The following LRRC1 variants were observed in gnomAD, a reference collection of about 807,000 sequenced individuals.
The protein encoded by LRRC1 is leucine-rich repeat-containing protein 1.
A neutral mutation model predicts 69.9 loss-of-function variants in LRRC1; 28 were observed. That is an observed-to-expected ratio of 0.40 (90% CI 0.30 to 0.55). The LOEUF is 0.55. Ranked by LOEUF, LRRC1 falls within the 20% of genes least tolerant of loss-of-function variation. The pLI is 0.47. For missense variants in LRRC1, 498 were observed against 609.0 expected, an observed-to-expected ratio of 0.82 and a Z score of 1.92; for synonymous variants, 236 against 240.2, an observed-to-expected ratio of 0.98 and a Z score of 0.16.
In LRRC1 at chr6:53,903,029, G is replaced by T. The variant is rs190907104; in HGVS notation, c.906+282G>T. Among the ~76,000 whole-genome samples, 51 of 152,240 alleles carry T rather than the reference G, an allele frequency of 3.3e-4. 1 individual carries two copies. The highest frequency in any genetic ancestry group is 1.1e-3 in the African/African-American group (47 of 41,534). Reference sequence around the variant, plus strand: ...TGAGGTGTGGGGATAAGCTACTCTCGTTGGATGTGTTGATGCCCCAGCTGT... The same window carrying T: ...TGAGGTGTGGGGATAAGCTACTCTCTTTGGATGTGTTGATGCCCCAGCTGT... On this transcript the variant is annotated intron_variant, in intron 9 of 13. Coordinates refer to ENST00000370888, the MANE Select transcript of LRRC1 (RefSeq NM_018214.5).
At chr6:53,873,020 G>T (rs1168206636) in intron 2 of LRRC1, among the ~76,000 whole-genome samples, 2 of 152,008 alleles carry the variant, frequency 1.3e-5, no homozygotes, top group Non-Finnish European at 2.9e-5. Flanking sequence ...ACCTCCCAAA[G>T]TGCTGGGATT....
At chr6:53,881,537 T>C (rs1201968169) in intron 3 of LRRC1, among the ~76,000 whole-genome samples, 1 of 152,252 alleles carries the variant, frequency 6.6e-6, no homozygotes, top group Non-Finnish European at 1.5e-5. Context: ...CTCTGTTACC[T>C]GTTCCTCAGA....
At chr6:53,860,979 A>C (rs1292146395) in intron 2 of LRRC1, among the ~76,000 whole-genome samples, 1 of 151,814 alleles carries the variant, frequency 6.6e-6, no homozygotes, top group African/African-American at 2.4e-5. Flanking sequence ...GGCGCTAAAC[A>C]CTGAGAACAC....
At chr6:53,880,859 A>G (rs1767267698) in intron 3 of LRRC1, among the ~76,000 whole-genome samples, 1 of 152,212 alleles carries the variant, frequency 6.6e-6, no homozygotes, top group Admixed American at 6.5e-5. Context: ...TGTTTGTTGA[A>G]CTGGACTAAA....
intron 4 of LRRC1, among the ~76,000 whole-genome samples, chr6:53,889,121 T>G (rs925229247): frequency 2.6e-5 from 4 of 152,162 alleles, no homozygotes; most frequent in Non-Finnish European, 5.9e-5. Context: ...ACAGCATTAG[T>G]CATCAGGAAA....
chr6:53,920,786 T>G, intron 13 of LRRC1, 25 bp downstream of exon 13: 1 of 1,613,484 alleles, frequency 6.2e-7, no homozygotes, highest in East Asian at 2.2e-5. Flanking sequence ...ATTCTTTGCC[T>G]CTGTGGAAGT....
chr6:53,875,374 G>C (rs973455554), intron 2 of LRRC1, among the ~76,000 whole-genome samples: 3 of 152,128 alleles, frequency 2.0e-5, no homozygotes, highest in Admixed American at 2.0e-4. Flanking sequence ...AGCTTGTAAA[G>C]TAATGTAAGG....
intron 9 of LRRC1, 50 bp from the exon 10 acceptor site, chr6:53,904,329 C>A: frequency 9.2e-7 from 1 of 1,089,400 alleles, no homozygotes; most frequent in Non-Finnish European, 1.4e-6. Context: ...TTACTGTGAG[C>A]CATGTTAAAA....
At position 53,835,871 on chromosome 6, in the gene LRRC1, C is replaced by T. The variant is rs368622880; in HGVS notation, c.160-6239C>T. Reference sequence around the variant, plus strand: ...CTACCAATTTTTTCCCACCCTCTCCCTCTTTTTAACATGATTTTTGCCATT... The same window carrying T: ...CTACCAATTTTTTCCCACCCTCTCCTTCTTTTTAACATGATTTTTGCCATT... On this transcript the variant is annotated intron_variant, in intron 1 of 13. Coordinates refer to ENST00000370888, the MANE Select transcript of LRRC1 (RefSeq NM_018214.5). Among the ~76,000 whole-genome samples the T allele has an allele frequency of 5.8e-4, 89 of 152,302 alleles. No homozygotes were observed. The East Asian group carries it at 9.6e-3, about 17-fold the overall frequency.
intron 1 of LRRC1, among the ~76,000 whole-genome samples, chr6:53,822,626 A>G (rs1165192837): frequency 6.6e-6 from 1 of 152,152 alleles, no homozygotes; most frequent in African/African-American, 2.4e-5. Flanking sequence ...TGGTTGGTTC[A>G]CGTTTTGACT....
chr6:53,865,887 A>G (rs1485223670), intron 2 of LRRC1, among the ~76,000 whole-genome samples: 1 of 151,860 alleles, frequency 6.6e-6, no homozygotes, highest in Non-Finnish European at 1.5e-5. Context: ...ATGCCCAGCT[A>G]ATTTTTGTAT....
intron 2 of LRRC1, among the ~76,000 whole-genome samples, chr6:53,868,471 C>G (rs923819254): frequency 6.6e-6 from 1 of 152,170 alleles, no homozygotes; most frequent in Non-Finnish European, 1.5e-5. Flanking sequence ...AGTGATCTGC[C>G]TGCCTTGGCA....
intron 7 of LRRC1, 99 bp downstream of exon 7, chr6:53,897,458 T>A: frequency 1.2e-6 from 1 of 825,714 alleles, no homozygotes; most frequent in Non-Finnish European, 1.9e-6. Context: ...TAAAAGGATC[T>A]TGAAAACCAA....
At chr6:53,917,185 C>G (rs528255665) in intron 11 of LRRC1, among the ~76,000 whole-genome samples, 5 of 152,254 alleles carry the variant, frequency 3.3e-5, no homozygotes, top group African/African-American at 1.2e-4. Context: ...ATGTGTATGT[C>G]TTTTTTTCCC....
intron 8 of LRRC1, among the ~76,000 whole-genome samples, chr6:53,900,702 T>A (rs911788621): frequency 1.2e-4 from 19 of 152,260 alleles, no homozygotes; most frequent in African/African-American, 4.6e-4. Context: ...GCTATTTTCT[T>A]TTAAAAAAAA....
intron 1 of LRRC1, among the ~76,000 whole-genome samples, chr6:53,836,076 T>C (rs1765605522): frequency 6.6e-6 from 1 of 152,158 alleles, no homozygotes; most frequent in Non-Finnish European, 1.5e-5. Flanking sequence ...GGGAGCTTCA[T>C]ATAAGAAAGC....
chr6:53,816,507 A>G (rs902689665), intron 1 of LRRC1, among the ~76,000 whole-genome samples: 2 of 152,064 alleles, frequency 1.3e-5, no homozygotes, highest in East Asian at 1.9e-4. Flanking sequence ...TGGAAATGCT[A>G]AGTGCCAAGT....
chr6:53,860,925 G>A (rs879734585), intron 2 of LRRC1, among the ~76,000 whole-genome samples: 2 of 152,110 alleles, frequency 1.3e-5, no homozygotes, highest in African/African-American at 2.4e-5. Context: ...GGGAATTAAC[G>A]CAGGAACAGA....
At chr6:53,846,147 C>T (rs1227817748) in intron 2 of LRRC1, among the ~76,000 whole-genome samples, 1 of 152,138 alleles carries the variant, frequency 6.6e-6, no homozygotes, top group East Asian at 1.9e-4. Flanking sequence ...TTTTTACAGC[C>T]TCACTTTCTG....
Sources: allele counts gnomAD v4.1 joint callset (sites outside exome capture counted in the v4.1 genomes callset), GRCh38; gene constraint gnomAD v4.1.1; transcripts MANE v1.5; gene names NCBI Gene and HGNC (gene_info 2026-07-23, HGNC 2026-07-21).